CFAP54: variants seen among roughly 807,000 people sequenced by gnomAD.
The protein encoded by CFAP54 is cilia and flagella associated protein 54.
A neutral mutation model predicts 370.4 loss-of-function variants in CFAP54; 290 were observed. The observed-to-expected ratio is 0.78, with a 90% CI of 0.71 to 0.86. The LOEUF (loss-of-function observed/expected upper bound fraction) is 0.86. Among genes scored for constraint, CFAP54 ranks in the 40% least tolerant of loss-of-function variants. The pLI is 0.00. For missense variants in CFAP54, 3,399 were observed against 3,528.7 expected, an observed-to-expected ratio of 0.96 and a Z score of 0.93; for synonymous variants, 1,206 against 1,236.5, an observed-to-expected ratio of 0.98 and a Z score of 0.52.
intron 15 of CFAP54, among the ~76,000 whole-genome samples, chr12:96,552,602 C>T (rs1204208181): frequency 1.3e-5 from 2 of 152,108 alleles, no homozygotes; most frequent in South Asian, 2.1e-4. Flanking sequence ...CCTTGGCCTC[C>T]CCAAGTGTTG....
At chr12:96,660,411 T>G (rs779616174) in intron 38 of CFAP54, among the ~76,000 whole-genome samples, 29 of 152,292 alleles carry the variant, frequency 1.9e-4, no homozygotes, top group Non-Finnish European at 3.4e-4. Context: ...CCATAGTGAG[T>G]TAATTCAATC....
intron 51 of CFAP54, 98 bp from the exon 52 acceptor site, chr12:96,742,341 G>C: frequency 1.3e-6 from 1 of 765,396 alleles, no homozygotes; most frequent in Non-Finnish European, 2.1e-6. Context: ...ACTGTGGAAT[G>C]ATACCAGATG....
chr12:96,506,917 ATGTGT>A lies in CFAP54; in HGVS notation c.568-9_568-5del. 1 of 1,525,538 alleles carries A rather than the reference ATGTGT, an allele frequency of 6.6e-7. No individual in the cohort carries two copies. Among genetic ancestry groups the A allele is most frequent in the South Asian group, 1.2e-5 (1 of 82,416 alleles). The allele number at this position is 1,525,538 out of a possible 1,614,324, so 94.5% of individuals were successfully genotyped here. On this transcript the variant is annotated splice_region_variant and splice_polypyrimidine_tract_variant and intron_variant, in intron 3 of 67. Coordinates refer to ENST00000524981, the MANE Select transcript of CFAP54 (RefSeq NM_001306084.2). ...TTTCTATTTCTATTTCTATTTTCCC[ATGTGT>A]TTCAGTTTCATGCTTTGAGTGGCAA...
chr12:96,529,448 G>GT (rs1381500506), intron 9 of CFAP54, among the ~76,000 whole-genome samples: 7 of 151,924 alleles, frequency 4.6e-5, no homozygotes, highest in African/African-American at 9.6e-5. Context: ...TTACAAAGTG[G>GT]TTTTTTTTAG....
chr12:96,610,347 C>T (rs924686641), intron 26 of CFAP54, among the ~76,000 whole-genome samples: 2 of 151,954 alleles, frequency 1.3e-5, no homozygotes, highest in Non-Finnish European at 2.9e-5. Context: ...TTTATATGGC[C>T]TTGGAGTCAG....
chr12:96,869,284 A>G (rs556608627), intron 67 of CFAP54, among the ~76,000 whole-genome samples: 19 of 152,148 alleles, frequency 1.2e-4, no homozygotes, highest in Non-Finnish European at 2.8e-4. Context: ...TTTCAAATAT[A>G]TTTTGGGTTG....
intron 26 of CFAP54, among the ~76,000 whole-genome samples, chr12:96,621,181 C>T (rs988114221): frequency 3.9e-5 from 6 of 152,148 alleles, no homozygotes; most frequent in South Asian, 2.1e-4. Flanking sequence ...ATCATGAGGT[C>T]GGTAGTTATG....
Position 96,743,455 on chromosome 12 carries a change from A to C in CFAP54, c.7273A>C (p.Lys2425Gln). Reference sequence around the variant, plus strand: ...CATCAATGAAGTGTGTATGGAGGCAAAAAGCGCAGGGGACACGGAACTGCA... The same window carrying C: ...CATCAATGAAGTGTGTATGGAGGCACAAAGCGCAGGGGACACGGAACTGCA... ...SLINEVCMEA[K>Q]SAGDTELQAE... is the part of the protein sequence containing the mutation. Residue 2425 changes from lysine to glutamine, a missense_variant, in exon 53 of 68, where the codon AAA (lysine) becomes CAA (glutamine). Transcript: ENST00000524981. 4 of 1,614,116 alleles carry C rather than the reference A, an allele frequency of 2.5e-6. No homozygotes were observed.
At chr12:96,628,795 A>G (rs543376158) in intron 30 of CFAP54, among the ~76,000 whole-genome samples, 51 of 152,280 alleles carry the variant, frequency 3.3e-4, no homozygotes, top group African/African-American at 9.4e-4. Context: ...GGAACTAGCT[A>G]TCCAGGCTTA....
intron 25 of CFAP54, among the ~76,000 whole-genome samples, chr12:96,595,868 C>G (rs1956172623): frequency 6.6e-6 from 1 of 152,208 alleles, no homozygotes; most frequent in South Asian, 2.1e-4. Flanking sequence ...CCAGCCTCCC[C>G]CAGATATTTA....
chr12:96,761,425 G>T (rs4099091), intron 58 of CFAP54, among the ~76,000 whole-genome samples: 1 of 151,724 alleles, frequency 6.6e-6, no homozygotes, highest in Non-Finnish European at 1.5e-5. Context: ...CTGGTTAGTC[G>T]CTTGTCCTTT....
chr12:96,752,920 A>G (rs1181127715), intron 55 of CFAP54, among the ~76,000 whole-genome samples: 1 of 152,090 alleles, frequency 6.6e-6, no homozygotes, highest in Admixed American at 6.6e-5. Flanking sequence ...AGTTGCTGAA[A>G]CCTCACTGAG....
chr12:96,503,076 TTCTTTC>T (rs888390839), intron 2 of CFAP54, among the ~76,000 whole-genome samples: 2 of 106,936 alleles, frequency 1.9e-5, no homozygotes, highest in African/African-American at 7.3e-5. Context: ...CTCTCTTTCT[TTCTTTC>T]TCTTTCTTTC....
chr12:96,514,835 A>G (rs1262167747), intron 5 of CFAP54, among the ~76,000 whole-genome samples: 2 of 152,156 alleles, frequency 1.3e-5, no homozygotes, highest in Non-Finnish European at 2.9e-5. Context: ...TTCTAATCTT[A>G]TTAGGAGATA....
At chr12:96,506,585 TTTTC>T (rs1471959869) in intron 3 of CFAP54, among the ~76,000 whole-genome samples, 1 of 122,514 alleles carries the variant, frequency 8.2e-6, no homozygotes, top group South Asian at 2.7e-4. Context: ...CTTTCTTTTC[TTTTC>T]TTTTTTTTTT....
chr12:96,556,690 G>T (rs1294026493), intron 17 of CFAP54, among the ~76,000 whole-genome samples: 1 of 151,978 alleles, frequency 6.6e-6, no homozygotes, highest in Non-Finnish European at 1.5e-5. Flanking sequence ...AAGAAAACAT[G>T]GTAAATACAC....
Position 96,796,245 on chromosome 12 carries a change from C to G in CFAP54, c.8850+3746C>G, listed in dbSNP as rs573842232. Among the ~76,000 whole-genome samples the G allele has an allele frequency of 9.8e-5, 15 of 152,334 alleles. No individual in the cohort carries two copies. In the South Asian group the frequency reaches 3.1e-3, roughly 32 times the overall value. On this transcript the variant is annotated intron_variant, in intron 63 of 67. Transcript: ENST00000524981. ...TTCTTGTGAGTCTCCACAGGCTGCT[C>G]TGTCCATTCGAGTGGGAACTGCAAG...
rs1483311688 is a variant in CFAP54 at position 96,624,404 on chromosome 12, AATG to A, written c.3886+524_3886+526del. The stretch of plus-strand genomic sequence containing the variant: ...ATAAAGGAATAGTGTGAGTGTTGTT[AATG>A]TGTAAGTGGTTTGAACCAATGCCTT... On this transcript the variant is annotated intron_variant, in intron 28 of 67. Coordinates refer to ENST00000524981, the MANE Select transcript of CFAP54 (RefSeq NM_001306084.2). Among the ~76,000 whole-genome samples the A allele has an allele frequency of 3.9e-5, 6 of 152,204 alleles. No homozygotes were observed. The East Asian group carries it at 9.6e-4, about 24-fold the overall frequency.
intron 12 of CFAP54, among the ~76,000 whole-genome samples, chr12:96,537,080 G>T (rs547021462): frequency 6.6e-6 from 1 of 152,200 alleles, no homozygotes; most frequent in African/African-American, 2.4e-5. Context: ...ATGCAAATTA[G>T]GTCTTAGAGC....
Sources: gnomAD v4.1 joint callset for allele counts (sites outside exome capture counted in the v4.1 genomes callset) on GRCh38, gnomAD v4.1.1 for gene constraint, MANE v1.5 for transcripts, NCBI Gene and HGNC (gene_info 2026-07-23, HGNC 2026-07-21) for gene names.